The following SETD1B variants were observed in gnomAD, a reference collection of about 807,000 sequenced individuals.
SETD1B encodes histone-lysine N-methyltransferase SETD1B.
In SETD1B, 7 loss-of-function variants were observed where a neutral mutation model predicts 148.0. The ratio of observed to expected loss-of-function variants is 0.05; its 90% CI spans 0.03 to 0.09. The LOEUF (loss-of-function observed/expected upper bound fraction) is 0.09. Ranked by LOEUF, SETD1B falls within the 10% of genes least tolerant of loss-of-function variation. The pLI, the probability that SETD1B is intolerant of heterozygous loss-of-function variation, is 1.00. For synonymous variants in SETD1B, 1,361 were observed against 1,186.5 expected (o/e 1.15, Z -3.02); for missense variants, 2,155 against 2,729.9 (o/e 0.79, Z 4.69).
intron 7 of SETD1B, 25 bp downstream of exon 7, chr12:121,814,955 G>A: frequency 6.6e-7 from 1 of 1,515,924 alleles, no homozygotes; most frequent in Non-Finnish European, 8.9e-7. Context: ...GCAGGGCTCT[G>A]CAGGGTGGCT....
Position 121,831,276 on chromosome 12 carries a change from G to A in SETD1B, c.*1037G>A, listed in dbSNP as rs11614326. The A allele has an allele frequency of 0.41, 62,596 of 151,388 alleles. 15,475 individuals carry two copies. The highest frequency in any genetic ancestry group is 0.6 in the Middle Eastern group (175 of 294). The allele number at this position is 151,388 out of a possible 1,614,324, so 9.4% of individuals were successfully genotyped here. A position where few individuals can be genotyped will look rare whatever the true frequency, so the allele number is the denominator to read the frequency against. On this transcript the variant is annotated 3_prime_UTR_variant, in exon 17 of 17. Coordinates refer to ENST00000604567, the MANE Select transcript of SETD1B (RefSeq NM_001353345.2). ...CCCAACCCACACCCCACATCCCCCT[G>A]CCGGCAGCCCCTCAACCTAAGAAGG...
intron 12 of SETD1B, 132 bp from the exon 13 acceptor site, chr12:121,825,068 G>A: frequency 1.1e-6 from 1 of 892,848 alleles, no homozygotes; most frequent in South Asian, 1.8e-5. Context: ...CCACGTGGAG[G>A]TGGCATGGGA....
rs1256645748 is a variant in SETD1B at position 121,809,591 on chromosome 12, GTC to G, written c.658-7_658-6del. Reference sequence around the variant, plus strand: ...TTTCCCCCAGTGGTCTGACATCTCTGTCTCTCCTTAGCTGTCAGATGCCCTGA... The same window carrying G: ...TTTCCCCCAGTGGTCTGACATCTCTGTCTCCTTAGCTGTCAGATGCCCTGA... On this transcript the variant is annotated splice_polypyrimidine_tract_variant and intron_variant, in intron 5 of 16. Coordinates refer to ENST00000604567, the MANE Select transcript of SETD1B (RefSeq NM_001353345.2). The G allele has an allele frequency of 1.9e-5, 29 of 1,532,308 alleles. No homozygotes were observed. Among genetic ancestry groups the G allele is most frequent in the Non-Finnish European group, 2.6e-5 (29 of 1,135,792 alleles). The allele number at this position is 1,532,308 out of a possible 1,614,324, so 94.9% of individuals were successfully genotyped here.
Position 121,819,791 on chromosome 12 carries a change from C to T in SETD1B, c.3806C>T (p.Pro1269Leu), listed in dbSNP as rs1459258983. 13 of 1,551,648 alleles carry T rather than the reference C, an allele frequency of 8.4e-6. No homozygotes were observed. The South Asian group carries it at 1.5e-4, about 18-fold the overall frequency. ...GAGCCAGCGGACTCCAGGGAGCCGCCTGAGGAACCAGGCCTGAGCCAGGAA... is the reference window on the plus strand; with the variant it reads ...GAGCCAGCGGACTCCAGGGAGCCGCTTGAGGAACCAGGCCTGAGCCAGGAA... The part of the protein sequence containing the change: ...VEEPADSREP[P>L]EEPGLSQEGA... Residue 1269 changes from proline to leucine, a missense_variant, in exon 11 of 17, where the codon CCT becomes CTT. This residue lies in a region of SETD1B where 862 missense variants were observed against 873.8 expected (regional missense o/e 0.99). Transcript: ENST00000604567.
chr12:121,822,713 G>A lies in SETD1B; in HGVS notation c.4134G>A (p.Thr1378=), dbSNP rs1042744744. Reference sequence around the variant, plus strand: ...TGGCCAAGTCGCAGAGCACAGAGACGGTGCCAGCCACACCAGGCGGGGAGC... The same window carrying A: ...TGGCCAAGTCGCAGAGCACAGAGACAGTGCCAGCCACACCAGGCGGGGAGC... ...GSLAKSQSTE[T]VPATPGGEPP... is the part of the protein sequence containing the mutation. Residue 1378 remains threonine (T), a synonymous_variant, in exon 12 of 17, where the codon ACG becomes ACA. Coordinates refer to ENST00000604567, the MANE Select transcript of SETD1B (RefSeq NM_001353345.2). The A allele has an allele frequency of 7.2e-6, 11 of 1,526,410 alleles. No homozygotes were observed. The highest frequency in any genetic ancestry group is 4.0e-5 in the Admixed American group (2 of 49,416). 94.6% of individuals were successfully genotyped at this position (1,526,410 alleles called of 1,614,324 possible).
At chr12:121,807,496 C>T (rs182160286) in intron 4 of SETD1B, among the ~76,000 whole-genome samples, 22 of 151,890 alleles carry the variant, frequency 1.4e-4, no homozygotes, top group Non-Finnish European at 1.8e-4. Context: ...CACAAAAGCC[C>T]TCAGAGACTG....
chr12:121,813,710 C>T (rs1292676346), intron 6 of SETD1B, among the ~76,000 whole-genome samples: 1 of 152,206 alleles, frequency 6.6e-6, no homozygotes, highest in Non-Finnish European at 1.5e-5. Context: ...CTCTGTGCCC[C>T]ACCCGTCTCC....
At position 121,823,184 on chromosome 12, in the gene SETD1B, C is replaced by T. The variant is rs770513647; in HGVS notation, c.4605C>T (p.Pro1535=). ...CATCTATGCTCTCCTTGGATGGGCC[C>T]TTGGTCCGACCACCAGCAGGGGCCG... ...SPPSMLSLDG[P]LVRPPAGAAL... Residue 1535 remains proline (P), a synonymous_variant, in exon 12 of 17, where the codon CCC becomes CCT. Transcript: ENST00000604567. 13 of 1,547,786 alleles carry T rather than the reference C, an allele frequency of 8.4e-6. No homozygotes were observed. The highest frequency in any genetic ancestry group is 1.1e-5 in the Non-Finnish European group (13 of 1,146,808).
chr12:121,815,267 T>C (rs1876234083), intron 7 of SETD1B, among the ~76,000 whole-genome samples: 3 of 152,146 alleles, frequency 2.0e-5, no homozygotes, highest in Admixed American at 2.0e-4. Flanking sequence ...TCTCTAAAAA[T>C]AAATGTGCAA....
Position 121,806,090 on chromosome 12 carries a change from G to C in SETD1B, c.529G>C (p.Glu177Gln). ...TSVMGNIIHV[E>Q]LDTKGETRMR... ...CGTCATGGGCAACATTATCCACGTG[G>C]AGCTGGACACCAAAGGTGAGCCTGG... The change falls in exon 4 of 17, where the codon GAG becomes CAG. Residue 177 changes from glutamate to glutamine, a missense_variant. By Grantham distance (29) the Glu-to-Gln change is conservative. Around this residue, in one of 11 missense-constraint regions of SETD1B, gnomAD observed 124 missense variants for 282.9 expected, o/e 0.44. Transcript: ENST00000604567. The C allele has an allele frequency of 6.4e-7, 1 of 1,551,602 alleles. No individual in the cohort carries two copies. Among genetic ancestry groups the C allele is most frequent in the Non-Finnish European group, 8.7e-7 (1 of 1,146,950 alleles).
At chr12:121,798,993 T>C in the SETD1B span, among the ~76,000 whole-genome samples, 4 of 152,210 alleles carry the variant, frequency 2.6e-5, 1 homozygote, top group Admixed American at 2.6e-4. Flanking sequence ...TCTCAAAATG[T>C]GTTCCCAGAC....
At chr12:121,793,341 C>T in the SETD1B span, 78 of 1,431,298 alleles carry the variant, frequency 5.4e-5, no homozygotes, top group African/African-American at 9.6e-4. Flanking sequence ...GGATCAGCCC[C>T]CCCTCACCCC....
chr12:121,817,546 T>A lies in SETD1B; in HGVS notation c.3154T>A (p.Ser1052Thr). ...SASSSSSASS[S>T]SGSSTTSPSS... ...GTCCTCGTCCTCATCCGCGTCATCA[T>A]CCTCGGGGTCCTCAACCACCTCACC... The change falls in exon 9 of 17, where the codon TCC becomes ACC. Residue 1052 changes from serine to threonine, a missense_variant. This residue lies in a region of SETD1B where 862 missense variants were observed against 873.8 expected (regional missense o/e 0.99). Transcript: ENST00000604567. This position sits in a 1 kb window ranked among gnomAD's most constrained non-coding sequence, Gnocchi z 8.1. The A allele has an allele frequency of 6.4e-7, 1 of 1,551,502 alleles. No individual in the cohort carries two copies. Among genetic ancestry groups the A allele is most frequent in the South Asian group, 1.2e-5 (1 of 84,058 alleles).
intron 4 of SETD1B, among the ~76,000 whole-genome samples, chr12:121,807,872 C>T (rs1875825972): frequency 6.8e-6 from 1 of 146,496 alleles, no homozygotes; most frequent in Non-Finnish European, 1.5e-5. Context: ...GAAGACCTGG[C>T]TCTGTGGGTG....
At chr12:121,826,821 T>G (rs1320802034) in intron 13 of SETD1B, among the ~76,000 whole-genome samples, 2 of 146,950 alleles carry the variant, frequency 1.4e-5, no homozygotes, top group African/African-American at 2.5e-5. Flanking sequence ...GAGACAGGGA[T>G]GGGCGGGGGG....
intron 12 of SETD1B, among the ~76,000 whole-genome samples, chr12:121,824,460 A>G (rs1876741377): frequency 6.6e-6 from 1 of 152,204 alleles, no homozygotes; most frequent in African/African-American, 2.4e-5. Context: ...CAGCCTGGCC[A>G]ACATGGCAAA....
chr12:121,805,177 C>T lies in SETD1B; in HGVS notation c.234C>T (p.Thr78=), dbSNP rs1250110229. The T allele has an allele frequency of 6.4e-7, 1 of 1,551,458 alleles. No individual in the cohort carries two copies. Among genetic ancestry groups the T allele is most frequent in the South Asian group, 1.2e-5 (1 of 84,042 alleles). The change falls in exon 3 of 17, where the codon ACC becomes ACT. Residue 78 remains threonine (T), a synonymous_variant. Coordinates refer to ENST00000604567, the MANE Select transcript of SETD1B (RefSeq NM_001353345.2). This position sits in a 1 kb window ranked among gnomAD's most constrained non-coding sequence, Gnocchi z 4.2. The part of the protein sequence containing the change: ...VEDPRVVGIW[T]KNKELELSVP... ...ATCCCCGGGTCGTCGGGATCTGGAC[C>T]AAAAACAAGGAGCTGGAGCTGTCGG...
chr12:121,805,933 G>A lies in SETD1B; in HGVS notation c.372G>A (p.Lys124=). 1 of 1,551,648 alleles carries A rather than the reference G, an allele frequency of 6.4e-7. No individual in the cohort carries two copies. Among genetic ancestry groups the A allele is most frequent in the African/African-American group, 1.4e-5 (1 of 73,132 alleles). The change falls in exon 4 of 17, where the codon AAG becomes AAA. Residue 124 remains lysine (K), a synonymous_variant. Coordinates refer to ENST00000604567, the MANE Select transcript of SETD1B (RefSeq NM_001353345.2). This position sits in a 1 kb window ranked among gnomAD's most constrained non-coding sequence, Gnocchi z 4.2. ...AAAACTTCCTGAGGGACATGTGCAA[G>A]AAGTATGGGGAGGTGGAGGAGGTGG... ...IRENFLRDMC[K]KYGEVEEVEI...
chr12:121,797,842 T>C, the SETD1B span: 2 of 339,886 alleles, frequency 5.9e-6, no homozygotes, highest in Non-Finnish European at 1.2e-5. Context: ...GCTTTTGGGA[T>C]ATTAACAATG....
Sources: allele counts gnomAD v4.1 joint callset (sites outside exome capture counted in the v4.1 genomes callset), GRCh38; gene constraint gnomAD v4.1.1; regional missense constraint gnomAD v4.1.1; non-coding constraint Gnocchi (gnomAD v3.1); transcripts MANE v1.5; gene names NCBI Gene and HGNC (gene_info 2026-07-23, HGNC 2026-07-21).